Variants in RELN observed in about 807,000 individuals in gnomAD.
The protein encoded by RELN is reelin.
RELN carries 108 observed loss-of-function variants against 427.6 expected under a neutral mutation model. The ratio of observed to expected loss-of-function variants is 0.25; its 90% confidence interval spans 0.22 to 0.30. RELN has a LOEUF of 0.30. Ranked by LOEUF, RELN falls within the 10% of genes least tolerant of loss-of-function variation. RELN has a pLI of 1.00. For synonymous variants in RELN, 1,524 were observed against 1,513.4 expected, an observed-to-expected ratio of 1.01 and a Z score of -0.16; for missense variants, 3,715 against 4,302.8, an observed-to-expected ratio of 0.86 and a Z score of 3.82.
intron 11 of RELN, among the ~76,000 whole-genome samples, chr7:103,679,697 C>CT (rs142501507): frequency 0.021 from 3,073 of 147,630 alleles, 114 homozygotes; most frequent in African/African-American, 0.07. Flanking sequence ...AGTTTTAGTT[C>CT]TTTTTTTTTT....
intron 60 of RELN, among the ~76,000 whole-genome samples, chr7:103,487,065 A>G (rs58057701): frequency 0.013 from 1,931 of 152,314 alleles, 37 homozygotes; most frequent in African/African-American, 0.044. Flanking sequence ...ACCATGGAAT[A>G]CTATGCAGCC....
intron 3 of RELN, among the ~76,000 whole-genome samples, chr7:103,802,433 AAAAC>A (rs1382092850): frequency 5.1e-4 from 78 of 152,202 alleles, no homozygotes; most frequent in Non-Finnish European, 1.9e-4. Flanking sequence ...TTATTACTGT[AAAAC>A]AAATCACAAT....
intron 15 of RELN, among the ~76,000 whole-genome samples, 200 bp downstream of exon 15, chr7:103,651,461 C>T (rs1832912096): frequency 6.6e-6 from 1 of 152,016 alleles, no homozygotes; most frequent in Non-Finnish European, 1.5e-5. Context: ...GAATGAATGG[C>T]CTTACAAATG....
chr7:103,692,663 C>A (rs10281066), intron 10 of RELN, among the ~76,000 whole-genome samples: 30,217 of 151,958 alleles, frequency 0.2, 3,871 homozygotes, highest in African/African-American at 0.35. Flanking sequence ...TAAAGTAACT[C>A]GATGACTCTT....
intron 8 of RELN, among the ~76,000 whole-genome samples, chr7:103,714,793 AG>A (rs776222960): frequency 4.0e-4 from 61 of 152,318 alleles, no homozygotes; most frequent in Non-Finnish European, 7.8e-4. Flanking sequence ...CCCAAGTGAC[AG>A]GGATGGCAAT....
At chr7:103,776,898 G>T (rs1032882348) in intron 3 of RELN, among the ~76,000 whole-genome samples, 9 of 152,116 alleles carry the variant, frequency 5.9e-5, no homozygotes, top group African/African-American at 2.2e-4. Context: ...AAAGCCTATA[G>T]AATAAAAAGT....
At chr7:103,604,080 G>A (rs942376849) in intron 23 of RELN, among the ~76,000 whole-genome samples, 3 of 152,150 alleles carry the variant, frequency 2.0e-5, no homozygotes, top group African/African-American at 7.2e-5. Flanking sequence ...ACAATGGCAA[G>A]GCTCTTTTAA....
intron 3 of RELN, among the ~76,000 whole-genome samples, chr7:103,828,939 T>C (rs1229132150): frequency 6.6e-6 from 1 of 151,894 alleles, no homozygotes; most frequent in Non-Finnish European, 1.5e-5. Context: ...AATAGACAAG[T>C]GGTCATTTTA....
chr7:103,778,503 A>C (rs1190244184), intron 3 of RELN, among the ~76,000 whole-genome samples: 1 of 152,180 alleles, frequency 6.6e-6, no homozygotes, highest in Non-Finnish European at 1.5e-5. Flanking sequence ...CCTACTTGTC[A>C]TTGTGCCAGC....
chr7:103,630,573 A>G (rs1832430180), intron 19 of RELN, among the ~76,000 whole-genome samples: 1 of 152,310 alleles, frequency 6.6e-6, no homozygotes, highest in African/African-American at 2.4e-5. Flanking sequence ...AGCTATGACA[A>G]TAAACCTGCA....
chr7:103,653,744 T>G (rs1832969954), intron 13 of RELN, among the ~76,000 whole-genome samples: 1 of 151,960 alleles, frequency 6.6e-6, no homozygotes, highest in Admixed American at 6.6e-5. Flanking sequence ...GATCTCAAAA[T>G]GCTGGACAAA....
At chr7:103,738,454 T>C (rs1427005840) in intron 6 of RELN, among the ~76,000 whole-genome samples, 1 of 151,942 alleles carries the variant, frequency 6.6e-6, no homozygotes, top group East Asian at 1.9e-4. Context: ...GATACGCAGA[T>C]CTCAGGTTCT....
At chr7:103,749,906 G>T (rs1399167581) in intron 5 of RELN, among the ~76,000 whole-genome samples, 1 of 152,178 alleles carries the variant, frequency 6.6e-6, no homozygotes, top group Non-Finnish European at 1.5e-5. Context: ...AAGGGACGGT[G>T]GGAGGTAATT....
At chr7:103,581,935 C>T (rs983400611) in intron 28 of RELN, among the ~76,000 whole-genome samples, 9 of 151,966 alleles carry the variant, frequency 5.9e-5, no homozygotes, top group African/African-American at 2.2e-4. Flanking sequence ...GCCAACCCCA[C>T]AAAACCATGA....
At position 103,620,688 on chromosome 7, in the gene RELN, G is replaced by A. The variant is rs985674379; in HGVS notation, c.2703-8885C>T. Reference sequence around the variant, plus strand: ...GAGGTTCCATCATGTTGGCCAGGCTGGTCTTGAACTCCTGACCTCAAGTGA... The same window carrying A: ...GAGGTTCCATCATGTTGGCCAGGCTAGTCTTGAACTCCTGACCTCAAGTGA... On this transcript the variant is annotated intron_variant, in intron 20 of 64. Transcript: ENST00000428762. This position sits in a 1 kb window ranked among gnomAD's most constrained non-coding sequence, Gnocchi z 4.1. Among the ~76,000 whole-genome samples the A allele has an allele frequency of 5.3e-5, 8 of 151,990 alleles. No homozygotes were observed. The highest frequency in any genetic ancestry group is 4.6e-4 in the Admixed American group (7 of 15,236).
At chr7:103,962,686 T>C (rs1183439957) in intron 1 of RELN, among the ~76,000 whole-genome samples, 1 of 148,448 alleles carries the variant, frequency 6.7e-6, no homozygotes, top group African/African-American at 2.6e-5. Flanking sequence ...GTAGCTAATA[T>C]ATGTATTATG....
At chr7:103,564,111 T>A (rs1221239137) in intron 34 of RELN, among the ~76,000 whole-genome samples, 1 of 152,332 alleles carries the variant, frequency 6.6e-6, no homozygotes, top group East Asian at 1.9e-4. Context: ...ACAGTAGATA[T>A]TCAATAAGTG....
chr7:103,747,680 A>G (rs1441026980), intron 6 of RELN, among the ~76,000 whole-genome samples: 1 of 149,350 alleles, frequency 6.7e-6, no homozygotes, highest in Non-Finnish European at 1.5e-5. Context: ...TAAAGAGGCT[A>G]AATGAAGGAG....
At chr7:103,882,825 CA>C (rs1794638640) in intron 2 of RELN, among the ~76,000 whole-genome samples, 1 of 152,180 alleles carries the variant, frequency 6.6e-6, no homozygotes, top group Non-Finnish European at 1.5e-5. Context: ...AGCCCAGGAG[CA>C]GACGGATTCA....
Sources: allele counts gnomAD v4.1 joint callset (sites outside exome capture counted in the v4.1 genomes callset), GRCh38; gene constraint gnomAD v4.1.1; non-coding constraint Gnocchi (gnomAD v3.1); transcripts MANE v1.5; gene names NCBI Gene and HGNC (gene_info 2026-07-23, HGNC 2026-07-21).